GNB5: variants seen among roughly 807,000 people sequenced by gnomAD.
GNB5 encodes G protein subunit beta 5, also known as guanine nucleotide-binding protein subunit beta-5.
Under a neutral mutation model 55.3 loss-of-function variants are expected in GNB5, and 37 were observed. The observed-to-expected ratio is 0.67, with a 90% CI of 0.51 to 0.88. The LOEUF is 0.88. Among genes scored for constraint, GNB5 ranks in the 40% least tolerant of loss-of-function variants. The probability of loss-of-function intolerance (pLI) is 0.00; values close to 1 mark genes in which losing one functional copy is unlikely to be tolerated. For synonymous variants in GNB5, 219 were observed against 198.5 expected (o/e 1.10, Z -0.87); for missense variants, 476 against 515.3 (o/e 0.92, Z 0.74).
chr15:52,177,502 T>G (rs2034675568), intron 3 of GNB5, among the ~76,000 whole-genome samples: 1 of 151,172 alleles, frequency 6.6e-6, no homozygotes, highest in African/African-American at 2.4e-5. Flanking sequence ...AATACAAAAA[T>G]TACTTGGGTG....
chr15:52,131,621 T>G (rs576958078), intron 9 of GNB5, among the ~76,000 whole-genome samples: 1 of 152,344 alleles, frequency 6.6e-6, no homozygotes, highest in Non-Finnish European at 1.5e-5. Context: ...ATTTTCAGAT[T>G]GATTTCTTTT....
At position 52,153,922 on chromosome 15, in the gene GNB5, G is replaced by A; in HGVS notation, c.375+18C>T. On this transcript the variant is annotated intron_variant, in intron 4 of 12. Transcript: ENST00000261837. Reference sequence around the variant, plus strand: ...AATCCAAAACCCGCTCACCTGTTATGCAGCAGGTGTGACATACCTGTGACG... The same window carrying A: ...AATCCAAAACCCGCTCACCTGTTATACAGCAGGTGTGACATACCTGTGACG... The A allele has an allele frequency of 1.2e-6, 2 of 1,601,140 alleles. No homozygotes were observed. The highest frequency in any genetic ancestry group is 1.7e-6 in the Non-Finnish European group (2 of 1,169,620).
intron 3 of GNB5, among the ~76,000 whole-genome samples, chr15:52,177,191 T>C (rs921497112): frequency 6.6e-6 from 1 of 151,694 alleles, no homozygotes; most frequent in Non-Finnish European, 1.5e-5. Flanking sequence ...CCTGCCACCA[T>C]GCCCAACTAA....
intron 4 of GNB5, among the ~76,000 whole-genome samples, chr15:52,153,531 A>G (rs183695376): frequency 5.9e-5 from 9 of 152,322 alleles, no homozygotes; most frequent in Admixed American, 1.3e-4. Flanking sequence ...GATTTTTAAA[A>G]TTGTATTTTA....
At chr15:52,160,571 C>T (rs527968891) in intron 3 of GNB5, among the ~76,000 whole-genome samples, 2 of 152,218 alleles carry the variant, frequency 1.3e-5, no homozygotes, top group African/African-American at 2.4e-5. Context: ...GTCTTGATTG[C>T]CTTTTATAGA....
At chr15:52,133,026 T>C (rs2033618259) in intron 9 of GNB5, among the ~76,000 whole-genome samples, 2 of 152,204 alleles carry the variant, frequency 1.3e-5, no homozygotes, top group South Asian at 4.1e-4. Flanking sequence ...GTGTTTGGTC[T>C]AGTTTGTCTC....
intron 9 of GNB5, among the ~76,000 whole-genome samples, chr15:52,130,403 C>A (rs565546466): frequency 1.3e-5 from 2 of 152,202 alleles, no homozygotes; most frequent in Non-Finnish European, 1.5e-5. Flanking sequence ...GAAGTCTCAG[C>A]GTCAGTTTAC....
chr15:52,130,743 C>T (rs568653258), intron 9 of GNB5, among the ~76,000 whole-genome samples: 2 of 152,158 alleles, frequency 1.3e-5, no homozygotes, highest in South Asian at 4.1e-4. Flanking sequence ...CAGAGGGAAG[C>T]CTAAGTTGAA....
chr15:52,179,394 C>G (rs909980768), intron 3 of GNB5, among the ~76,000 whole-genome samples: 1 of 152,194 alleles, frequency 6.6e-6, no homozygotes, highest in Non-Finnish European at 1.5e-5. Flanking sequence ...CGCGCCTACA[C>G]GGGCTCGCCG....
Position 52,135,688 on chromosome 15 carries a change from G to A in GNB5, c.696C>T (p.Ser232=), listed in dbSNP as rs776898668. The A allele has an allele frequency of 6.2e-7, 1 of 1,613,172 alleles. No individual in the cohort carries two copies. The highest frequency in any genetic ancestry group is 2.2e-5 in the East Asian group (1 of 44,830). Residue 232 remains serine, a synonymous_variant, in exon 8 of 13, where the codon AGC becomes AGT. Transcript: ENST00000261837. ...WDVESGQLLQ[S]FHGHGADVLC... ...GGACGTCAGCCCCATGTCCGTGGAA[G>A]CTCTGCAGCAGCTGCCCGCTCTCCA...
At chr15:52,179,693 C>A in intron 3 of GNB5, 75 bp downstream of exon 3, 3 of 869,956 alleles carry the variant, frequency 3.4e-6, no homozygotes, top group African/African-American at 1.8e-5. Flanking sequence ...ACCGCCCCCA[C>A]CGCCCCCGCC....
chr15:52,178,020 GCT>G (rs1166963530), intron 3 of GNB5, among the ~76,000 whole-genome samples: 2 of 152,178 alleles, frequency 1.3e-5, no homozygotes, highest in Non-Finnish European at 2.9e-5. Context: ...CTGCATCTCT[GCT>G]CTCTGTCTTA....
At chr15:52,186,781 G>A (rs999281402) in intron 1 of GNB5, among the ~76,000 whole-genome samples, 4 of 152,176 alleles carry the variant, frequency 2.6e-5, no homozygotes, top group Admixed American at 1.3e-4. Context: ...GATGAGGAAC[G>A]TCTGCCATGT....
At chr15:52,146,983 G>A (rs929377639) in intron 6 of GNB5, among the ~76,000 whole-genome samples, 3 of 152,094 alleles carry the variant, frequency 2.0e-5, no homozygotes, top group African/African-American at 7.2e-5. Flanking sequence ...TGGATGTGGA[G>A]TCACCAGATC....
intron 11 of GNB5, 128 bp downstream of exon 11, chr15:52,125,820 T>G: frequency 1.6e-6 from 1 of 616,176 alleles, no homozygotes; most frequent in Non-Finnish European, 2.9e-6. Flanking sequence ...GGTGCAAATA[T>G]GGATGATTTC....
chr15:52,149,608 A>C, intron 5 of GNB5: 1 of 591,464 alleles, frequency 1.7e-6, no homozygotes, highest in Non-Finnish European at 3.0e-6. Context: ...ATGTGGTTGC[A>C]AGTTTTCCAT....
chr15:52,117,102 A>ATATATATATATATATATATATATATAAT lies in GNB5; in HGVS notation c.*5654_*5655insATTATATATATATATATATATATATATA. ...CCACGCCCAGCTAATATATATATAT[A>ATATATATATATATATATATATATATAAT]TTTTTTTTTAGTACAGACAGGGTTT... On this transcript the variant is annotated 3_prime_UTR_variant, in exon 13 of 13. Coordinates refer to ENST00000261837, the MANE Select transcript of GNB5 (RefSeq NM_016194.4). 4 of 87,098 alleles carry ATATATATATATATATATATATATATAAT rather than the reference A, an allele frequency of 4.6e-5. No individual in the cohort carries two copies. The highest frequency in any genetic ancestry group is 2.4e-4 in the African/African-American group (4 of 16,444). 5.4% of individuals were successfully genotyped at this position (87,098 alleles called of 1,614,324 possible). A position where few individuals can be genotyped will look rare whatever the true frequency, so the allele number is the denominator to read the frequency against.
chr15:52,145,886 T>A (rs1184656471), intron 6 of GNB5, among the ~76,000 whole-genome samples: 3 of 151,872 alleles, frequency 2.0e-5, no homozygotes, highest in African/African-American at 7.3e-5. Context: ...AAAATCCCCA[T>A]AGTCCCATCA....
At chr15:52,131,715 A>C (rs2033580258) in intron 9 of GNB5, among the ~76,000 whole-genome samples, 1 of 152,230 alleles carries the variant, frequency 6.6e-6, no homozygotes, top group Admixed American at 6.5e-5. Flanking sequence ...GGCAAGAAGT[A>C]CTAAAGTAAG....
Sources: allele counts gnomAD v4.1 joint callset (sites outside exome capture counted in the v4.1 genomes callset), GRCh38; gene constraint gnomAD v4.1.1; transcripts MANE v1.5; gene names NCBI Gene and HGNC (gene_info 2026-07-23, HGNC 2026-07-21).